AUTS2: variants seen among roughly 807,000 people sequenced by gnomAD.
AUTS2 encodes autism susceptibility gene 2 protein.
AUTS2 carries 17 observed loss-of-function variants against 112.4 expected under a neutral mutation model. The ratio of observed to expected loss-of-function variants is 0.15; its 90% CI spans 0.10 to 0.23. AUTS2 has a LOEUF of 0.23. Among genes scored for constraint, AUTS2 ranks in the 10% least tolerant of loss-of-function variants. The probability of loss-of-function intolerance (pLI) is 1.00; values close to 1 mark genes in which losing one functional copy is unlikely to be tolerated. For synonymous variants in AUTS2, 751 were observed against 702.7 expected (o/e 1.07, Z -1.09); for missense variants, 1,510 against 1,701.6 (o/e 0.89, Z 1.98).
chr7:70,542,333 A>T (rs1250885413), intron 5 of AUTS2, among the ~76,000 whole-genome samples: 2 of 152,318 alleles, frequency 1.3e-5, no homozygotes, highest in Middle Eastern at 3.4e-3. Context: ...TTAGTGGCAG[A>T]GTTGCACCTA....
In AUTS2 at chr7:69,867,022, G is replaced by A. The variant is rs532158479; in HGVS notation, c.310-32264G>A. The stretch of plus-strand genomic sequence containing the variant: ...CTTGAGCAAGTAAAGAAGTCTAGGA[G>A]GCAGAGGTCTTCTGCCAGCTTCAGC... On this transcript the variant is annotated intron_variant, in intron 1 of 18. Transcript: ENST00000342771. 1.9e-4 allele frequency among the ~76,000 whole-genome samples: 29 copies of A among 152,338 alleles called. No homozygotes were observed. The South Asian group carries it at 5.0e-3, about 26-fold the overall frequency.
At chr7:70,139,877 T>C (rs910136290) in intron 4 of AUTS2, among the ~76,000 whole-genome samples, 1 of 152,082 alleles carries the variant, frequency 6.6e-6, no homozygotes, top group African/African-American at 2.4e-5. Flanking sequence ...GGCATGCACC[T>C]GTAATCCCAG....
chr7:70,172,092 G>A (rs945430432), intron 4 of AUTS2, among the ~76,000 whole-genome samples: 1 of 152,048 alleles, frequency 6.6e-6, no homozygotes, highest in African/African-American at 2.4e-5. Context: ...CCCTCACTCT[G>A]TCGTTGCTTT....
At chr7:69,750,113 T>C (rs1251196078) in intron 1 of AUTS2, among the ~76,000 whole-genome samples, 1 of 152,174 alleles carries the variant, frequency 6.6e-6, no homozygotes, top group Non-Finnish European at 1.5e-5. Flanking sequence ...TCTTGTTTTC[T>C]CGTTCTGTTG....
At chr7:70,682,691 C>T (rs769627597) in intron 5 of AUTS2, among the ~76,000 whole-genome samples, 1 of 152,180 alleles carries the variant, frequency 6.6e-6, no homozygotes, top group Non-Finnish European at 1.5e-5. Context: ...TAACAAACCA[C>T]GAATTTGGAG....
At chr7:69,600,086 C>CTGTT in intron 1 of AUTS2, 124 bp downstream of exon 1, 1 of 1,108,280 alleles carries the variant, frequency 9.0e-7, no homozygotes, top group Non-Finnish European at 1.3e-6. Context: ...GTCTGTCTGT[C>CTGTT]TAGGCTGAGG....
At chr7:69,812,119 C>T (rs888131747) in intron 1 of AUTS2, among the ~76,000 whole-genome samples, 1 of 152,162 alleles carries the variant, frequency 6.6e-6, no homozygotes, top group Admixed American at 6.5e-5. Flanking sequence ...CATATGCCAG[C>T]CCTCTCCATA....
chr7:69,705,072 G>C (rs1289523392), intron 1 of AUTS2, among the ~76,000 whole-genome samples: 1 of 152,130 alleles, frequency 6.6e-6, no homozygotes, highest in Non-Finnish European at 1.5e-5. Context: ...TCACCGTGTT[G>C]CCCATGCTAG....
At chr7:70,294,164 T>C (rs1466013002) in intron 4 of AUTS2, 2 of 152,228 alleles carry the variant, frequency 1.3e-5, no homozygotes, top group Admixed American at 6.5e-5. Flanking sequence ...TCTTTGTGTT[T>C]GCATAGAAGG....
At chr7:69,624,067 A>G (rs1482821466) in intron 1 of AUTS2, among the ~76,000 whole-genome samples, 1 of 152,172 alleles carries the variant, frequency 6.6e-6, no homozygotes, top group Non-Finnish European at 1.5e-5. Flanking sequence ...TGTGTTGTTT[A>G]TCTATGTTTT....
chr7:70,397,533 T>C (rs2130003568), intron 4 of AUTS2, among the ~76,000 whole-genome samples: 1 of 152,260 alleles, frequency 6.6e-6, no homozygotes, highest in East Asian at 1.9e-4. Flanking sequence ...TAACTTAAAT[T>C]CTTTGTTTTC....
At chr7:69,607,065 T>C (rs1413604794) in intron 1 of AUTS2, among the ~76,000 whole-genome samples, 1 of 152,192 alleles carries the variant, frequency 6.6e-6, no homozygotes, top group African/African-American at 2.4e-5. Flanking sequence ...TTTTATGCTA[T>C]TAGTATGAGG....
intron 1 of AUTS2, among the ~76,000 whole-genome samples, chr7:69,805,172 G>A (rs942060506): frequency 2.0e-5 from 3 of 152,198 alleles, no homozygotes; most frequent in African/African-American, 7.2e-5. Context: ...TTAAGTAGCA[G>A]CCTTGATAAC....
chr7:70,787,229 C>T lies in AUTS2; in HGVS notation c.2329C>T (p.His777Tyr). Residue 777 changes from histidine (H) to tyrosine (Y), a missense_variant, in exon 18 of 19, where the codon CAC (histidine) becomes TAC (tyrosine). By Grantham distance (83) the His-to-Tyr change is moderately conservative. Around this residue, in one of 3 missense-constraint regions of AUTS2, gnomAD observed 788 missense variants for 797.6 expected, o/e 0.99. Coordinates refer to ENST00000342771, the MANE Select transcript of AUTS2 (RefSeq NM_015570.4). ...TTCAGCACCCAACTCAATGTTCGGC[C>T]ACAAGGATGGCCCCAGTGTGCAGAA... ...PSVTPNSMFG[H>Y]KDGPSVQNFS... 6.2e-7 allele frequency: 1 copy of T among 1,614,198 alleles called. No homozygotes were observed. Among genetic ancestry groups the T allele is most frequent in the Non-Finnish European group, 8.5e-7 (1 of 1,180,040 alleles).
chr7:70,250,866 G>T (rs939950131), intron 4 of AUTS2, among the ~76,000 whole-genome samples: 2 of 152,054 alleles, frequency 1.3e-5, no homozygotes, highest in African/African-American at 2.4e-5. Flanking sequence ...CCTACTTGAG[G>T]GTGGAGGGTG....
At chr7:69,921,253 A>C (rs1433042554) in intron 2 of AUTS2, among the ~76,000 whole-genome samples, 1 of 152,238 alleles carries the variant, frequency 6.6e-6, no homozygotes, top group South Asian at 2.1e-4. Context: ...ATGAAGGACA[A>C]AATTTCCAAA....
At chr7:70,254,052 C>T (rs915878784) in intron 4 of AUTS2, among the ~76,000 whole-genome samples, 3 of 151,994 alleles carry the variant, frequency 2.0e-5, no homozygotes, top group African/African-American at 7.2e-5. Context: ...TTATTTTTGA[C>T]CTGAGTATTG....
intron 4 of AUTS2, chr7:70,293,644 C>T (rs1788805867): frequency 6.6e-6 from 1 of 152,294 alleles, no homozygotes; most frequent in South Asian, 2.1e-4. Flanking sequence ...TTTCTTCTCA[C>T]TCCTACTTGG....
At chr7:69,614,155 G>A (rs140719965) in intron 1 of AUTS2, among the ~76,000 whole-genome samples, 1 of 152,050 alleles carries the variant, frequency 6.6e-6, no homozygotes, top group Non-Finnish European at 1.5e-5. Flanking sequence ...GGGACTTCAC[G>A]ATTCAGAACT....
Sources: allele counts gnomAD v4.1 joint callset (sites outside exome capture counted in the v4.1 genomes callset), GRCh38; gene constraint gnomAD v4.1.1; regional missense constraint gnomAD v4.1.1; transcripts MANE v1.5; gene names NCBI Gene and HGNC (gene_info 2026-07-23, HGNC 2026-07-21).